Variants in TTC39A observed in about 807,000 individuals in gnomAD.
The protein encoded by TTC39A is tetratricopeptide repeat protein 39A.
In TTC39A, 46 loss-of-function variants were observed where a neutral mutation model predicts 82.3. That is an observed-to-expected ratio of 0.56 (90% confidence interval 0.44 to 0.71). The LOEUF is 0.71. TTC39A is among the 30% of genes least tolerant of loss of function. The pLI is 0.00. For synonymous variants in TTC39A, 254 were observed against 275.2 expected (o/e 0.92, Z 0.76); for missense variants, 543 against 712.9 (o/e 0.76, Z 2.71).
chr1:51,317,861 C>G (rs1645350620), intron 2 of TTC39A, among the ~76,000 whole-genome samples: 1 of 152,138 alleles, frequency 6.6e-6, no homozygotes, highest in South Asian at 2.1e-4. Flanking sequence ...TAACAGGTGG[C>G]CCCATGGGAA....
At chr1:51,293,474 T>A (rs1003027113) in intron 14 of TTC39A, among the ~76,000 whole-genome samples, 57 of 152,250 alleles carry the variant, frequency 3.7e-4, no homozygotes, top group African/African-American at 1.3e-3. Flanking sequence ...ATAAAGTGTT[T>A]AACACATTTT....
intron 2 of TTC39A, among the ~76,000 whole-genome samples, chr1:51,314,612 C>T (rs1357113063): frequency 6.6e-6 from 1 of 152,252 alleles, no homozygotes; most frequent in African/African-American, 2.4e-5. Context: ...CTACCACTCG[C>T]CAGCCAGGGG....
chr1:51,298,483 T>G (rs1342434793), intron 12 of TTC39A: 1 of 152,730 alleles, frequency 6.5e-6, no homozygotes, highest in African/African-American at 2.4e-5. Flanking sequence ...TTCACCAGGC[T>G]CATCTCCAAG....
At chr1:51,289,509 C>A (rs1287888934) in intron 16 of TTC39A, among the ~76,000 whole-genome samples, 1 of 152,234 alleles carries the variant, frequency 6.6e-6, no homozygotes, top group Non-Finnish European at 1.5e-5. Context: ...ACTTACTCCA[C>A]TTCAAACCTG....
upstream of TTC39A, chr1:51,331,031 C>G: frequency 1.3e-6 from 1 of 779,124 alleles, no homozygotes; most frequent in East Asian, 2.7e-5. Context: ...GGGGAAAACA[C>G]GGTTTAGCAC....
intron 1 of TTC39A, among the ~76,000 whole-genome samples, chr1:51,327,985 C>T (rs1569998356): frequency 1.3e-5 from 2 of 152,184 alleles, no homozygotes; most frequent in East Asian, 3.8e-4. Context: ...GCGTGAGCAA[C>T]TGCGTGCGGC....
intron 1 of TTC39A, among the ~76,000 whole-genome samples, chr1:51,338,598 CTTTTTTTTT>C (rs982499820): frequency 8.9e-6 from 1 of 111,824 alleles, no homozygotes; most frequent in African/African-American, 3.5e-5. Context: ...GGAGATTTAT[CTTTTTTTTT>C]TTTTTTTTTT....
chr1:51,318,573 G>A (rs1413319663), intron 2 of TTC39A, among the ~76,000 whole-genome samples: 1 of 152,182 alleles, frequency 6.6e-6, no homozygotes, highest in East Asian at 1.9e-4. Context: ...AATTGAAGAG[G>A]TCAGGCCTGG....
chr1:51,305,712 G>A (rs1437855086), intron 7 of TTC39A: 2 of 522,972 alleles, frequency 3.8e-6, no homozygotes, highest in Admixed American at 3.3e-5. Flanking sequence ...TGCTGTGAAG[G>A]TTCCACCATG....
At chr1:51,327,647 G>A (rs940731679) in intron 1 of TTC39A, among the ~76,000 whole-genome samples, 36 of 151,720 alleles carry the variant, frequency 2.4e-4, no homozygotes, top group African/African-American at 8.5e-4. Context: ...AAGCACAAGA[G>A]TACTCAGAAA....
chr1:51,288,406 G>C lies in TTC39A; in HGVS notation c.1611-126C>G, dbSNP rs372236639. On this transcript the variant is annotated intron_variant, in intron 17 of 17. Transcript: ENST00000680483. This position sits in a 1 kb window ranked among gnomAD's most constrained non-coding sequence, Gnocchi z 4.8. Reference sequence around the variant, plus strand: ...GTAGAGAAATTAATGTGTCCAGAGAGAGTTGAGCCCTACCCAATGGGAGAG... The same window carrying C: ...GTAGAGAAATTAATGTGTCCAGAGACAGTTGAGCCCTACCCAATGGGAGAG... 3 of 1,472,462 alleles carry C rather than the reference G, an allele frequency of 2.0e-6. No homozygotes were observed. In the East Asian group the frequency reaches 6.9e-5, roughly 34 times the overall value. 91.2% of individuals were successfully genotyped at this position (1,472,462 alleles called of 1,614,324 possible). A position where few individuals can be genotyped will look rare whatever the true frequency, so the allele number is the denominator to read the frequency against.
chr1:51,309,118 T>A, intron 6 of TTC39A, 143 bp downstream of exon 6: 1 of 984,294 alleles, frequency 1.0e-6, no homozygotes, highest in Non-Finnish European at 1.4e-6. Context: ...CCTGAGGGCA[T>A]GGAAATCAGC....
chr1:51,327,790 G>A (rs775840419), intron 1 of TTC39A, among the ~76,000 whole-genome samples: 9 of 150,562 alleles, frequency 6.0e-5, no homozygotes, highest in Non-Finnish European at 1.2e-4. Context: ...TCCGCCTCCC[G>A]GGTTCAAGAG....
chr1:51,331,709 C>T (rs549082224), upstream of TTC39A: 36 of 985,266 alleles, frequency 3.7e-5, no homozygotes, highest in South Asian at 1.6e-3. Flanking sequence ...TGCTCACTTG[C>T]AAGAATCATC....
At chr1:51,289,717 G>A (rs765693770) in intron 16 of TTC39A, among the ~76,000 whole-genome samples, 8 of 152,210 alleles carry the variant, frequency 5.3e-5, no homozygotes, top group Non-Finnish European at 1.2e-4. Context: ...CTCCCTGAGG[G>A]CAAGGATAGA....
At chr1:51,323,580 A>G (rs887535763) in intron 1 of TTC39A, among the ~76,000 whole-genome samples, 4 of 152,100 alleles carry the variant, frequency 2.6e-5, no homozygotes, top group African/African-American at 4.8e-5. Context: ...ACTAACTTCT[A>G]TACTATCTCT....
At chr1:51,310,181 G>T (rs1015620564) in intron 5 of TTC39A, among the ~76,000 whole-genome samples, 2 of 152,122 alleles carry the variant, frequency 1.3e-5, no homozygotes, top group African/African-American at 4.8e-5. Flanking sequence ...AGGTTGCAGT[G>T]AGCCAAGATC....
At chr1:51,322,242 C>T in intron 1 of TTC39A, 1 of 1,493,838 alleles carries the variant, frequency 6.7e-7, no homozygotes, top group Non-Finnish European at 8.9e-7. Flanking sequence ...TCTCCAAGGC[C>T]TCCTCCCTCC....
rs1644328906 is a variant in TTC39A at position 51,294,293 on chromosome 1, G to C, written c.1266+98C>G. 1 of 1,574,386 alleles carries C rather than the reference G, an allele frequency of 6.4e-7. No individual in the cohort carries two copies. The highest frequency in any genetic ancestry group is 1.1e-5 in the South Asian group (1 of 87,078). Reference sequence around the variant, plus strand: ...CCTCCCCAGGCCCCTGAGGCATGAAGGTCTTTCTCCTCATCCACCTCCCCC... The same window carrying C: ...CCTCCCCAGGCCCCTGAGGCATGAACGTCTTTCTCCTCATCCACCTCCCCC... On this transcript the variant is annotated intron_variant, in intron 14 of 17. Transcript: ENST00000680483. This position sits in a 1 kb window ranked among gnomAD's most constrained non-coding sequence, Gnocchi z 4.3.
Sources: gnomAD v4.1 joint callset for allele counts (sites outside exome capture counted in the v4.1 genomes callset) on GRCh38, gnomAD v4.1.1 for gene constraint, Gnocchi (gnomAD v3.1) non-coding constraint, MANE v1.5 for transcripts, NCBI Gene and HGNC (gene_info 2026-07-23, HGNC 2026-07-21) for gene names.